Variants in CADPS observed in about 807,000 individuals in gnomAD.
The protein encoded by CADPS is calcium dependent secretion activator, also known as calcium-dependent secretion activator 1.
In CADPS, 57 loss-of-function variants were observed where a neutral mutation model predicts 167.3. That is an observed-to-expected ratio of 0.34 (90% CI 0.28 to 0.42). The LOEUF (loss-of-function observed/expected upper bound fraction) is 0.42, where lower values mean the gene tolerates loss of function less well. Among genes scored for constraint, CADPS ranks in the 20% least tolerant of loss-of-function variants. The pLI is 1.00. For missense variants in CADPS, 1,414 were observed against 1,738.1 expected (o/e 0.81, Z 3.32); for synonymous variants, 676 against 635.3 (o/e 1.06, Z -0.96).
intron 3 of CADPS, among the ~76,000 whole-genome samples, chr3:62,735,669 C>G (rs962204664): frequency 6.6e-6 from 1 of 152,138 alleles, no homozygotes. Context: ...TAAAGAAATG[C>G]GGTCATGTGA....
At chr3:62,536,882 C>T (rs1490987578) in intron 11 of CADPS, among the ~76,000 whole-genome samples, 8 of 152,124 alleles carry the variant, frequency 5.3e-5, no homozygotes, top group African/African-American at 1.7e-4. Context: ...ACTTCGCCTG[C>T]ATTTCACCAA....
intron 3 of CADPS, among the ~76,000 whole-genome samples, chr3:62,678,780 A>G (rs1463168860): frequency 6.6e-6 from 1 of 152,090 alleles, no homozygotes; most frequent in Non-Finnish European, 1.5e-5. Context: ...GTTGAATGGG[A>G]TTCTTCCTGG....
chr3:62,770,409 G>A (rs928890906), intron 1 of CADPS, among the ~76,000 whole-genome samples: 9 of 152,012 alleles, frequency 5.9e-5, no homozygotes, highest in African/African-American at 1.9e-4. Context: ...CACAGAATAT[G>A]AGGAATTCCT....
At chr3:62,436,802 G>A (rs1395972510) in intron 28 of CADPS, among the ~76,000 whole-genome samples, 4 of 151,952 alleles carry the variant, frequency 2.6e-5, no homozygotes, top group South Asian at 2.1e-4. Flanking sequence ...GGGTTTTGTC[G>A]AGGAAAGGTG....
At chr3:62,861,112 G>A (rs1323615100) in intron 1 of CADPS, among the ~76,000 whole-genome samples, 1 of 152,104 alleles carries the variant, frequency 6.6e-6, no homozygotes, top group Non-Finnish European at 1.5e-5. Flanking sequence ...CTTTCTTGGG[G>A]CTAAATTAAA....
At chr3:62,607,222 T>C (rs2149219783) in intron 6 of CADPS, among the ~76,000 whole-genome samples, 1 of 152,302 alleles carries the variant, frequency 6.6e-6, no homozygotes, top group Middle Eastern at 3.4e-3. Flanking sequence ...CTAATGACTT[T>C]AGTGACTTGA....
At chr3:62,483,361 A>C in intron 21 of CADPS, among the ~76,000 whole-genome samples, 1 of 30,882 alleles carries the variant, frequency 3.2e-5, no homozygotes, top group Admixed American at 4.9e-4. Flanking sequence ...GGAAGGGGGA[A>C]GTTAGGGGGT....
intron 26 of CADPS, among the ~76,000 whole-genome samples, chr3:62,456,309 A>G (rs1006672094): frequency 1.3e-5 from 2 of 152,178 alleles, no homozygotes; most frequent in African/African-American, 2.4e-5. Context: ...ATACTTAATT[A>G]TAAAGGGAAA....
intron 6 of CADPS, among the ~76,000 whole-genome samples, chr3:62,595,878 C>T (rs2058837532): frequency 1.3e-5 from 2 of 152,022 alleles, no homozygotes; most frequent in Admixed American, 1.3e-4. Context: ...GGCAGAAAAA[C>T]GTGAAGAGGA....
chr3:62,611,189 T>A (rs2061456169), intron 6 of CADPS, among the ~76,000 whole-genome samples: 1 of 152,144 alleles, frequency 6.6e-6, no homozygotes, highest in Non-Finnish European at 1.5e-5. Flanking sequence ...CACTGGCTTT[T>A]CTGAAGGCTT....
intron 1 of CADPS, among the ~76,000 whole-genome samples, chr3:62,868,317 C>T (rs970375397): frequency 1.3e-5 from 2 of 151,990 alleles, no homozygotes; most frequent in African/African-American, 4.8e-5. Context: ...AAGAACCAGA[C>T]AGCTTATATC....
chr3:62,510,310 C>A (rs1288776652), intron 17 of CADPS, among the ~76,000 whole-genome samples: 1 of 152,020 alleles, frequency 6.6e-6, no homozygotes, highest in Non-Finnish European at 1.5e-5. Flanking sequence ...CAAATCCTTG[C>A]CATATTTGGA....
chr3:62,672,274 A>C (rs1580142961), intron 3 of CADPS, among the ~76,000 whole-genome samples: 1 of 152,178 alleles, frequency 6.6e-6, no homozygotes, highest in East Asian at 1.9e-4. Flanking sequence ...TCATCCTTCT[A>C]AACATCTCCT....
At chr3:62,712,285 T>G (rs59256262) in intron 3 of CADPS, among the ~76,000 whole-genome samples, 3,664 of 152,290 alleles carry the variant, frequency 0.024, 142 homozygotes, top group African/African-American at 0.084. Flanking sequence ...TTATTTGTTC[T>G]CCAGAAAGAC....
chr3:62,547,736 T>C (rs1340578763), intron 11 of CADPS, among the ~76,000 whole-genome samples: 1 of 152,106 alleles, frequency 6.6e-6, no homozygotes, highest in Non-Finnish European at 1.5e-5. Context: ...ACTAGTGTTC[T>C]AATTTCACAA....
In CADPS at chr3:62,492,289, C is replaced by T; in HGVS notation, c.2884+1G>A. 6.2e-7 allele frequency: 1 copy of T among 1,613,506 alleles called. No homozygotes were observed. The highest frequency in any genetic ancestry group is 8.5e-7 in the Non-Finnish European group (1 of 1,179,556). On this transcript the variant is annotated splice_donor_variant, in intron 20 of 29. Transcript: ENST00000383710. LOFTEE classifies it high-confidence loss of function. ...GTCAAACAGTCAAAGGTAATACATA[C>T]AGTCAGTACGGAGAAAATCATTCAG...
intron 1 of CADPS, among the ~76,000 whole-genome samples, chr3:62,854,811 A>C (rs75285838): frequency 0.024 from 3,604 of 152,272 alleles, 67 homozygotes; most frequent in South Asian, 0.066. Context: ...ATAGAGATGG[A>C]GTGCTAGTTT....
In CADPS at chr3:62,753,527, G is replaced by T. The variant is rs746724636; in HGVS notation, c.802C>A (p.Leu268Met). ...MTASAASELI[L>M]SKEQLYEMFQ... Reference sequence around the variant, plus strand: ...ATCTCATAGAGTTGCTCCTTGCTCAGAATCAGCTCGGAGGCTGCGCTGGCT... The same window carrying T: ...ATCTCATAGAGTTGCTCCTTGCTCATAATCAGCTCGGAGGCTGCGCTGGCT... The change falls in exon 3 of 30, where the codon CTG (leucine) becomes ATG (methionine). Residue 268 changes from leucine (L) to methionine (M), a missense_variant. Transcript: ENST00000383710. This position sits in a 1 kb window ranked among gnomAD's most constrained non-coding sequence, Gnocchi z 4.6. The T allele has an allele frequency of 2.5e-6, 4 of 1,614,122 alleles. No homozygotes were observed. The highest frequency in any genetic ancestry group is 3.3e-5 in the Admixed American group (2 of 60,008).
intron 3 of CADPS, among the ~76,000 whole-genome samples, chr3:62,686,332 C>T (rs1235191638): frequency 1.3e-5 from 2 of 152,032 alleles, no homozygotes; most frequent in African/African-American, 2.4e-5. Context: ...AAAACCCCAT[C>T]TATTTAAAGT....
Sources: allele counts gnomAD v4.1 joint callset (sites outside exome capture counted in the v4.1 genomes callset), GRCh38; gene constraint gnomAD v4.1.1; non-coding constraint Gnocchi (gnomAD v3.1); transcripts MANE v1.5; gene names NCBI Gene and HGNC (gene_info 2026-07-23, HGNC 2026-07-21).